Variants in RPL5 observed in about 807,000 individuals in gnomAD.
The protein encoded by RPL5 is large ribosomal subunit protein uL18.
A neutral mutation model predicts 38.4 loss-of-function variants in RPL5; 1 was observed. The observed-to-expected ratio is 0.03, with a 90% CI of 0.01 to 0.12. The LOEUF (loss-of-function observed/expected upper bound fraction) is 0.12. Among genes scored for constraint, RPL5 ranks in the 10% least tolerant of loss-of-function variants. The probability of loss-of-function intolerance (pLI) is 1.00; values close to 1 mark genes in which losing one functional copy is unlikely to be tolerated. For synonymous variants in RPL5, 109 were observed against 121.2 expected (o/e 0.90, Z 0.66); for missense variants, 243 against 374.1 (o/e 0.65, Z 2.89).
intron 3 of RPL5, 106 bp from the exon 4 acceptor site, chr1:92,834,673 G>A (rs927654563): frequency 5.5e-6 from 8 of 1,466,082 alleles, no homozygotes; most frequent in Non-Finnish European, 6.6e-6. Context: ...TTTAAGTGAT[G>A]TTCATCTGTG....
At chr1:92,838,070 T>G (rs540422176) in intron 6 of RPL5, among the ~76,000 whole-genome samples, 1 of 152,316 alleles carries the variant, frequency 6.6e-6, no homozygotes, top group South Asian at 2.1e-4. Context: ...GAGCCATGTT[T>G]GCAAGAATGA....
chr1:92,833,341 T>C (rs2100676180), intron 1 of RPL5, 48 bp from the exon 2 acceptor site: 1 of 1,429,864 alleles, frequency 7.0e-7, no homozygotes, highest in Non-Finnish European at 9.9e-7. Flanking sequence ...GTCAAAAGTA[T>C]CATAGGCTAA....
At chr1:92,840,397 G>T in intron 6 of RPL5, 154 bp from the exon 7 acceptor site, 1 of 652,852 alleles carries the variant, frequency 1.5e-6, no homozygotes, top group East Asian at 2.6e-5. Context: ...AGGAAAAGGT[G>T]AGTTACATTT....
chr1:92,835,142 C>T, intron 4 of RPL5: 1 of 595,954 alleles, frequency 1.7e-6, no homozygotes, highest in Non-Finnish European at 3.0e-6. Context: ...CACTAGCGAC[C>T]TGCAGCTGTT....
rs967701421 is a variant in RPL5 at position 92,832,763 on chromosome 1, G to A, written c.4-626G>A. 3.4e-5 allele frequency: 17 copies of A among 495,904 alleles called. No individual in the cohort carries two copies. In the East Asian group the frequency reaches 5.6e-4, roughly 16 times the overall value. 30.7% of individuals were successfully genotyped at this position (495,904 alleles called of 1,614,324 possible). A position where few individuals can be genotyped will look rare whatever the true frequency, so the allele number is the denominator to read the frequency against. On this transcript the variant is annotated intron_variant, in intron 1 of 7. Transcript: ENST00000370321. Reference sequence around the variant, plus strand: ...ATTATTGGGGTAGGGCCCCAAGGGTGGGATGAAATGTTGCTTTAGCTGATG... The same window carrying A: ...ATTATTGGGGTAGGGCCCCAAGGGTAGGATGAAATGTTGCTTTAGCTGATG...
upstream of RPL5, chr1:92,831,999 A>G (rs1686920590): frequency 6.6e-7 from 1 of 1,513,106 alleles, no homozygotes; most frequent in African/African-American, 1.4e-5. Flanking sequence ...CACTGGCGTG[A>G]CCGTCCGCGC....
rs1462929547 is a variant in RPL5 at position 92,837,723 on chromosome 1, GGT to G, written c.705+95_705+96del. On this transcript the variant is annotated intron_variant, in intron 6 of 7. Coordinates refer to ENST00000370321, the MANE Select transcript of RPL5 (RefSeq NM_000969.5). ...TGGGGGCAGGTAACATTCTTATATA[GGT>G]GTGTTTCTTGACAACATGAGCTAGA... is the stretch of plus-strand genomic sequence containing the variant. The G allele has an allele frequency of 6.0e-5, 63 of 1,053,196 alleles. No homozygotes were observed. The Admixed American group carries it at 8.7e-4, about 15-fold the overall frequency. The allele number at this position is 1,053,196 out of a possible 1,614,324, so 65.2% of individuals were successfully genotyped here.
chr1:92,837,351 C>G, intron 5 of RPL5, 105 bp from the exon 6 acceptor site: 1 of 968,118 alleles, frequency 1.0e-6, no homozygotes, highest in Non-Finnish European at 1.7e-6. Flanking sequence ...GCATATGATG[C>G]GATAATTGTT....
chr1:92,833,686 T>G (rs778804578), intron 3 of RPL5, 26 bp downstream of exon 3: 1 of 1,548,478 alleles, frequency 6.5e-7, no homozygotes, highest in Admixed American at 1.7e-5. Context: ...GACAGTCCCC[T>G]TTTTTTATTG....
chr1:92,839,231 C>T (rs1687252736), intron 6 of RPL5, among the ~76,000 whole-genome samples: 1 of 152,014 alleles, frequency 6.6e-6, no homozygotes, highest in Admixed American at 6.6e-5. Context: ...TGGTGGCTCA[C>T]TCCTGTAATC....
At chr1:92,835,189 C>T in intron 4 of RPL5, 1 of 507,414 alleles carries the variant, frequency 2.0e-6, no homozygotes, top group East Asian at 3.7e-5. Flanking sequence ...TTTGAAAATC[C>T]ACTTGTAGCT....
At position 92,841,763 on chromosome 1, in the gene RPL5, T is replaced by C; in HGVS notation, c.795-3T>C. 1 of 1,604,744 alleles carries C rather than the reference T, an allele frequency of 6.2e-7. No individual in the cohort carries two copies. Among genetic ancestry groups the C allele is most frequent in the Non-Finnish European group, 8.5e-7 (1 of 1,173,696 alleles). On this transcript the variant is annotated splice_region_variant and splice_polypyrimidine_tract_variant and intron_variant, in intron 7 of 7. Transcript: ENST00000370321. ...AAAAAATATATATTCCTATCTTTTG[T>C]AGGTGGAACCGTCCCAAAATGTCCC...
chr1:92,841,762 G>A lies in RPL5; in HGVS notation c.795-4G>A, dbSNP rs761578402. 1.2e-6 allele frequency: 2 copies of A among 1,603,070 alleles called. No individual in the cohort carries two copies. The highest frequency in any genetic ancestry group is 1.7e-6 in the Non-Finnish European group (2 of 1,172,498). The stretch of plus-strand genomic sequence containing the variant: ...TAAAAAATATATATTCCTATCTTTT[G>A]TAGGTGGAACCGTCCCAAAATGTCC... On this transcript the variant is annotated splice_region_variant and splice_polypyrimidine_tract_variant and intron_variant, in intron 7 of 7. Coordinates refer to ENST00000370321, the MANE Select transcript of RPL5 (RefSeq NM_000969.5).
chr1:92,841,922 C>A lies in RPL5; in HGVS notation c.*57C>A. On this transcript the variant is annotated 3_prime_UTR_variant, in exon 8 of 8. Coordinates refer to ENST00000370321, the MANE Select transcript of RPL5 (RefSeq NM_000969.5). ...TAGATAATAAACTTATGAACAGCAA[C>A]TATTTCTGTGTTAAGCTCTTATTCT... is the stretch of plus-strand genomic sequence containing the variant. 7.5e-7 allele frequency: 1 copy of A among 1,331,904 alleles called. No individual in the cohort carries two copies. Among genetic ancestry groups the A allele is most frequent in the Non-Finnish European group, 1.1e-6 (1 of 935,036 alleles). 82.5% of individuals were successfully genotyped at this position (1,331,904 alleles called of 1,614,324 possible). A position where few individuals can be genotyped will look rare whatever the true frequency, so the allele number is the denominator to read the frequency against.
chr1:92,841,370 G>A (rs940233492), intron 7 of RPL5, among the ~76,000 whole-genome samples: 4 of 152,118 alleles, frequency 2.6e-5, no homozygotes, highest in African/African-American at 7.2e-5. Flanking sequence ...TAAAGACTGG[G>A]TAATAATCCA....
chr1:92,832,746 G>A (rs551672466), intron 1 of RPL5: 2 of 463,034 alleles, frequency 4.3e-6, no homozygotes, highest in African/African-American at 2.0e-5. Flanking sequence ...TAATTATTGG[G>A]GTAGGGCCCC....
chr1:92,836,040 C>A, intron 4 of RPL5, 150 bp from the exon 5 acceptor site: 1 of 696,018 alleles, frequency 1.4e-6, no homozygotes, highest in Non-Finnish European at 2.6e-6. Context: ...TTTAAAAATT[C>A]ATGAGCAAGT....
At chr1:92,840,760 G>T (rs10874744) in intron 7 of RPL5, 121 bp downstream of exon 7, 1 of 796,240 alleles carries the variant, frequency 1.3e-6, no homozygotes, top group African/African-American at 1.7e-5. Context: ...TGGCAGAAGC[G>T]AAGGGAACCA....
rs193286679 is a variant in RPL5 at position 92,836,113 on chromosome 1, G to A, written c.325-77G>A. On this transcript the variant is annotated intron_variant, in intron 4 of 7. Transcript: ENST00000370321. ...TTTTCCAGATGTCAGTGGTCCTTAC[G>A]GTTATGACATAAGCTATTTTAATTT... is the stretch of plus-strand genomic sequence containing the variant. 2.1e-3 allele frequency: 2,801 copies of A among 1,354,774 alleles called. 51 individuals are homozygous for A. The South Asian group carries it at 0.024, about 12-fold the overall frequency. 83.9% of individuals were successfully genotyped at this position (1,354,774 alleles called of 1,614,324 possible).
Sources: gnomAD v4.1 joint callset for allele counts (sites outside exome capture counted in the v4.1 genomes callset) on GRCh38, gnomAD v4.1.1 for gene constraint, MANE v1.5 for transcripts, NCBI Gene and HGNC (gene_info 2026-07-23, HGNC 2026-07-21) for gene names.